Variants in AFG2A observed in about 807,000 individuals in gnomAD.
AFG2A encodes the protein AAA ATPase AFG2A.
chr4:123,166,037 T>C, the AFG2A span, among the ~76,000 whole-genome samples: 1 of 152,232 alleles, frequency 6.6e-6, no homozygotes, highest in African/African-American at 2.4e-5. Context: ...TTTTCTTATG[T>C]CCAATGGAGC....
At chr4:123,309,364 C>T in the AFG2A span, among the ~76,000 whole-genome samples, 93 of 152,244 alleles carry the variant, frequency 6.1e-4, no homozygotes, top group Non-Finnish European at 7.8e-4. Context: ...CTAGCTGTGT[C>T]CTCACATGGT....
the AFG2A span, among the ~76,000 whole-genome samples, chr4:123,234,362 A>G: frequency 6.6e-6 from 1 of 152,116 alleles, no homozygotes. Flanking sequence ...TAAATTGACT[A>G]TAAGAATACA....
At chr4:123,074,244 G>A in the AFG2A span, among the ~76,000 whole-genome samples, 9 of 151,750 alleles carry the variant, frequency 5.9e-5, no homozygotes, top group South Asian at 2.1e-4. Context: ...ACAGGCGCAC[G>A]CCACCATGCC....
chr4:123,015,314 A>G, the AFG2A span, among the ~76,000 whole-genome samples: 1 of 150,766 alleles, frequency 6.6e-6, no homozygotes, highest in East Asian at 2.0e-4. Context: ...TGGTTTTCCT[A>G]TGCAGAGGAC....
chr4:123,026,192 G>A, the AFG2A span, among the ~76,000 whole-genome samples: 6 of 152,168 alleles, frequency 3.9e-5, no homozygotes, highest in African/African-American at 1.4e-4. Flanking sequence ...ACTTGGGTGA[G>A]AGGGTTGGCT....
the AFG2A span, among the ~76,000 whole-genome samples, chr4:123,012,152 A>G: frequency 1.5e-5 from 2 of 131,048 alleles, no homozygotes; most frequent in Non-Finnish European, 3.2e-5. Flanking sequence ...GCCCCCCAGG[A>G]AAGTGGAGAA....
the AFG2A span, among the ~76,000 whole-genome samples, chr4:123,081,099 GAC>G: frequency 6.6e-6 from 1 of 152,084 alleles, no homozygotes; most frequent in Non-Finnish European, 1.5e-5. Context: ...AACCTACAAT[GAC>G]ACATAATTAT....
the AFG2A span, among the ~76,000 whole-genome samples, chr4:123,011,506 C>T: frequency 1.3e-5 from 2 of 152,120 alleles, no homozygotes; most frequent in South Asian, 4.1e-4. Flanking sequence ...CAAACAAAGA[C>T]TAGGGAGGGA....
chr4:123,063,066 TC>T, the AFG2A span, among the ~76,000 whole-genome samples: 1 of 152,228 alleles, frequency 6.6e-6, no homozygotes, highest in Non-Finnish European at 1.5e-5. Context: ...CGTCTTTTTT[TC>T]CTAATTATAT....
the AFG2A span, among the ~76,000 whole-genome samples, chr4:123,085,757 C>T: frequency 7.9e-5 from 12 of 151,446 alleles, no homozygotes; most frequent in East Asian, 7.7e-4. Context: ...TTCTATTAGT[C>T]GCCTTTGTTC....
chr4:123,055,830 T>C, the AFG2A span, among the ~76,000 whole-genome samples: 2 of 152,244 alleles, frequency 1.3e-5, no homozygotes, highest in Non-Finnish European at 2.9e-5. Context: ...TGAGGTCATC[T>C]ATCATTATGG....
At chr4:122,961,426 C>G in the AFG2A span, among the ~76,000 whole-genome samples, 1 of 152,292 alleles carries the variant, frequency 6.6e-6, no homozygotes, top group African/African-American at 2.4e-5. Flanking sequence ...TTCACTGAAT[C>G]TGAATCAGTA....
the AFG2A span, among the ~76,000 whole-genome samples, chr4:123,231,245 C>T: frequency 6.6e-6 from 1 of 151,986 alleles, no homozygotes; most frequent in Non-Finnish European, 1.5e-5. Context: ...AGTGTGGCCA[C>T]CTTCCTCAAT....
At chr4:123,089,549 G>A in the AFG2A span, among the ~76,000 whole-genome samples, 2 of 151,854 alleles carry the variant, frequency 1.3e-5, no homozygotes, top group Non-Finnish European at 2.9e-5. Flanking sequence ...GTGATACAGG[G>A]TTTTGTTCAT....
At chr4:123,059,077 AG>A in the AFG2A span, among the ~76,000 whole-genome samples, 1 of 152,038 alleles carries the variant, frequency 6.6e-6, no homozygotes, top group Admixed American at 6.5e-5. Context: ...AAAGGGCTAA[AG>A]GCCCCATGCA....
chr4:123,101,199 A>G, the AFG2A span, among the ~76,000 whole-genome samples: 4 of 151,956 alleles, frequency 2.6e-5, no homozygotes. Context: ...TTCATGGAAC[A>G]TTTAATTGAC....
At chr4:122,937,388 T>G in the AFG2A span, among the ~76,000 whole-genome samples, 1 of 152,102 alleles carries the variant, frequency 6.6e-6, no homozygotes, top group Non-Finnish European at 1.5e-5. Context: ...AGGGTCTTGC[T>G]ATGTTGGCCA....
chr4:123,158,405 T>C, the AFG2A span, among the ~76,000 whole-genome samples: 1 of 152,210 alleles, frequency 6.6e-6, no homozygotes, highest in Admixed American at 6.5e-5. Context: ...AAAGGACACT[T>C]ACAGTTTTAG....
the AFG2A span, among the ~76,000 whole-genome samples, chr4:123,114,296 C>T: frequency 1.3e-5 from 2 of 152,124 alleles, no homozygotes; most frequent in East Asian, 3.9e-4. Context: ...CAGGCCTGCC[C>T]TGTTCTGAAG....
Sources: allele counts gnomAD v4.1 joint callset (sites outside exome capture counted in the v4.1 genomes callset), GRCh38; gene constraint gnomAD v4.1.1; transcripts MANE v1.5; gene names NCBI Gene and HGNC (gene_info 2026-07-23, HGNC 2026-07-21).